Variants in RBAK observed in about 807,000 individuals in gnomAD.
RBAK encodes RB-associated KRAB zinc finger protein.
In RBAK, 39 loss-of-function variants were observed where a neutral mutation model predicts 65.8. The ratio of observed to expected loss-of-function variants is 0.59; its 90% CI spans 0.46 to 0.77. RBAK has a LOEUF of 0.77. Among genes scored for constraint, RBAK ranks in the 30% least tolerant of loss-of-function variants. RBAK has a pLI of 0.00. For synonymous variants in RBAK, 343 were observed against 289.7 expected (o/e 1.18, Z -1.87); for missense variants, 884 against 855.1 (o/e 1.03, Z -0.42).
chr7:5,066,425 T>C lies in RBAK; in HGVS notation c.*824T>C, dbSNP rs1296024107. 6.7e-6 allele frequency: 1 copy of C among 149,058 alleles called. No individual in the cohort carries two copies. Among genetic ancestry groups the C allele is most frequent in the African/African-American group, 2.5e-5 (1 of 39,760 alleles). The allele number at this position is 149,058 out of a possible 1,614,324, so 9.2% of individuals were successfully genotyped here. A position where few individuals can be genotyped will look rare whatever the true frequency, so the allele number is the denominator to read the frequency against. ...ATTTTGATAAACTATACATACATAA[T>C]TTGGAATTGTTTAAGTCTATTTCAG... On this transcript the variant is annotated 3_prime_UTR_variant, in exon 5 of 5. Transcript: ENST00000396912.
Position 5,049,203 on chromosome 7 carries a change from T to C in RBAK, c.15+1112T>C, listed in dbSNP as rs147267814. 8.6e-3 allele frequency among the ~76,000 whole-genome samples: 1,303 copies of C among 152,356 alleles called. 9 individuals are homozygous for C. The highest frequency in any genetic ancestry group is 0.013 in the Non-Finnish European group (907 of 68,030). On this transcript the variant is annotated intron_variant, in intron 2 of 4. Coordinates refer to ENST00000396912, the MANE Select transcript of RBAK (RefSeq NM_021163.4). Reference sequence around the variant, plus strand: ...ACAACCATTAAGTTACCATAACTTATGGCTTATTCTTGGTGCTTATGTAAG... The same window carrying C: ...ACAACCATTAAGTTACCATAACTTACGGCTTATTCTTGGTGCTTATGTAAG...
Position 5,064,412 on chromosome 7 carries a change from G to T in RBAK, c.956G>T (p.Cys319Phe). Residue 319 changes from cysteine (C) to phenylalanine (F), a missense_variant, in exon 5 of 5, where the codon TGT (cysteine) becomes TTT (phenylalanine). Cys to Phe is a radical substitution (Grantham distance 205). Coordinates refer to ENST00000396912, the MANE Select transcript of RBAK (RefSeq NM_021163.4). This position sits in a 1 kb window ranked among gnomAD's most constrained non-coding sequence, Gnocchi z 6.3. ...RSHLEEKPYK[C>F]NECGKTFCQK... Reference sequence around the variant, plus strand: ...CACTTAGAGGAGAAGCCCTATAAATGTAATGAATGTGGGAAAACCTTTTGT... The same window carrying T: ...CACTTAGAGGAGAAGCCCTATAAATTTAATGAATGTGGGAAAACCTTTTGT... 1 of 1,614,160 alleles carries T rather than the reference G, an allele frequency of 6.2e-7. No homozygotes were observed. The highest frequency in any genetic ancestry group is 8.5e-7 in the Non-Finnish European group (1 of 1,179,994).
chr7:5,058,405 C>CT (rs1235715084), intron 4 of RBAK, among the ~76,000 whole-genome samples: 1 of 152,194 alleles, frequency 6.6e-6, no homozygotes, highest in Non-Finnish European at 1.5e-5. Flanking sequence ...ATTCAGAAGT[C>CT]TGACATAAAA....
chr7:5,057,824 C>A, intron 4 of RBAK, 45 bp downstream of exon 4: 1 of 1,605,942 alleles, frequency 6.2e-7, no homozygotes, highest in South Asian at 1.1e-5. Flanking sequence ...TCATCCCAGA[C>A]CTTTGGGAGA....
rs1454595325 is a variant in RBAK at position 5,065,373 on chromosome 7, T to C, written c.1917T>C (p.Thr639=). The C allele has an allele frequency of 6.2e-7, 1 of 1,613,516 alleles. No individual in the cohort carries two copies. The highest frequency in any genetic ancestry group is 1.7e-5 in the Admixed American group (1 of 59,918). Residue 639 remains threonine (T), a synonymous_variant, in exon 5 of 5, where the codon ACT becomes ACC. Transcript: ENST00000396912. This position sits in a 1 kb window ranked among gnomAD's most constrained non-coding sequence, Gnocchi z 5.3. ...TCTTCTCTCGGATGTCAAACCTCAC[T>C]GTCCACTACAGAAGCCATTCAGGAG... ...GKVFSRMSNL[T]VHYRSHSGEK...
At chr7:5,055,046 T>C (rs1337781126) in intron 2 of RBAK, among the ~76,000 whole-genome samples, 2 of 152,120 alleles carry the variant, frequency 1.3e-5, no homozygotes, top group Admixed American at 6.5e-5. Flanking sequence ...CCTCCCAAAG[T>C]GTTGAGATTA....
Position 5,046,166 on chromosome 7 carries a change from C to T in RBAK, c.-275C>T. Reference sequence around the variant, plus strand: ...CGGGCCTGGCCCGTGTGTGTCCTGGCGGCCTGGCCCAGGCTGCCGCTGTAC... The same window carrying T: ...CGGGCCTGGCCCGTGTGTGTCCTGGTGGCCTGGCCCAGGCTGCCGCTGTAC... On this transcript the variant is annotated 5_prime_UTR_variant, in exon 1 of 5. Transcript: ENST00000396912. 2.3e-6 allele frequency: 1 copy of T among 427,348 alleles called. No individual in the cohort carries two copies. Among genetic ancestry groups the T allele is most frequent in the Non-Finnish European group, 4.6e-6 (1 of 215,410 alleles). The allele number at this position is 427,348 out of a possible 1,614,324, so 26.5% of individuals were successfully genotyped here.
intron 2 of RBAK, among the ~76,000 whole-genome samples, chr7:5,050,411 C>T (rs1036951117): frequency 6.6e-6 from 1 of 152,108 alleles, no homozygotes; most frequent in Admixed American, 6.6e-5. Flanking sequence ...CACAGCTGTA[C>T]CGTACGTGGC....
Position 5,060,656 on chromosome 7 carries a change from G to A in RBAK, c.238+2877G>A, listed in dbSNP as rs114913174. 4.5e-3 allele frequency among the ~76,000 whole-genome samples: 680 copies of A among 152,336 alleles called. 4 individuals are homozygous for A. Among genetic ancestry groups the A allele is most frequent in the African/African-American group, 0.015 (632 of 41,576 alleles). On this transcript the variant is annotated intron_variant, in intron 4 of 4. Transcript: ENST00000396912. ...AGTCAAATTGAATGAGGAAGATCAC[G>A]AGTACAGACTTGTGGCTGAGAATAA...
rs550368863 is a variant in RBAK, at chr7:5,068,448, G to C, written c.*2847G>C. ...ATCCACTCACTTTAGAGGATATCCA[G>C]ACGGCCAATAAGCATGAAAAGATGT... On this transcript the variant is annotated 3_prime_UTR_variant, in exon 5 of 5. Coordinates refer to ENST00000396912, the MANE Select transcript of RBAK (RefSeq NM_021163.4). 40 of 152,338 alleles carry C rather than the reference G, an allele frequency of 2.6e-4. No individual in the cohort carries two copies. Among genetic ancestry groups the C allele is most frequent in the African/African-American group, 8.9e-4 (37 of 41,568 alleles). 9.4% of individuals were successfully genotyped at this position (152,338 alleles called of 1,614,324 possible).
intron 2 of RBAK, among the ~76,000 whole-genome samples, chr7:5,053,693 G>T (rs1788164128): frequency 6.6e-6 from 1 of 151,964 alleles, no homozygotes; most frequent in South Asian, 2.1e-4. Context: ...AACTTCTGTT[G>T]CTGTCTTTAT....
intron 4 of RBAK, among the ~76,000 whole-genome samples, chr7:5,062,891 A>G (rs570946533): frequency 1.3e-5 from 2 of 152,306 alleles, no homozygotes; most frequent in African/African-American, 2.4e-5. Context: ...GTCAGAGTTT[A>G]AGGTTATCTC....
rs199929265 is a variant in RBAK at position 5,064,620 on chromosome 7, C to G, written c.1164C>G (p.Leu388=). The G allele has an allele frequency of 1.9e-4, 308 of 1,613,902 alleles. No homozygotes were observed. Among genetic ancestry groups the G allele is most frequent in the Non-Finnish European group, 2.5e-4 (291 of 1,179,844 alleles). The part of the protein sequence containing the change: ...CGKSFSRKSA[L]SDHQRTHTGE... Reference sequence around the variant, plus strand: ...AATCCTTCTCCCGCAAGTCTGCTCTCAGTGACCATCAGAGAACTCACACGG... The same window carrying G: ...AATCCTTCTCCCGCAAGTCTGCTCTGAGTGACCATCAGAGAACTCACACGG... Residue 388 remains leucine (L), a synonymous_variant, in exon 5 of 5, where the codon CTC becomes CTG. Transcript: ENST00000396912. The surrounding 1 kb of genome is among the most constrained non-coding windows in gnomAD (Gnocchi z 6.3).
At chr7:5,056,578 AT>A (rs956833153) in intron 2 of RBAK, among the ~76,000 whole-genome samples, 2 of 152,220 alleles carry the variant, frequency 1.3e-5, no homozygotes, top group African/African-American at 4.8e-5. Flanking sequence ...TAAAATTAAA[AT>A]AATTTGATCC....
chr7:5,054,435 A>G (rs571626475), intron 2 of RBAK, among the ~76,000 whole-genome samples: 154 of 150,186 alleles, frequency 1.0e-3, no homozygotes, highest in African/African-American at 3.6e-3. Context: ...ATTGCTTCAT[A>G]TATGTTCTCC....
rs1207841206 is a variant in RBAK at position 5,065,782 on chromosome 7, G to T, written c.*181G>T. 5 of 437,462 alleles carry T rather than the reference G, an allele frequency of 1.1e-5. No individual in the cohort carries two copies. The highest frequency in any genetic ancestry group is 2.0e-5 in the Non-Finnish European group (5 of 252,046). The allele number at this position is 437,462 out of a possible 1,614,324, so 27.1% of individuals were successfully genotyped here. On this transcript the variant is annotated 3_prime_UTR_variant, in exon 5 of 5. Transcript: ENST00000396912. This position sits in a 1 kb window ranked among gnomAD's most constrained non-coding sequence, Gnocchi z 5.3. ...CCCGAAGAATGTAACAAGAAGCAAAGCCTTCAGCAAGATCATACGACTCAT... is the reference window on the plus strand; with the variant it reads ...CCCGAAGAATGTAACAAGAAGCAAATCCTTCAGCAAGATCATACGACTCAT...
chr7:5,063,094 T>C lies in RBAK; in HGVS notation c.239-601T>C, dbSNP rs560021505. Among the ~76,000 whole-genome samples, 6 of 152,300 alleles carry C rather than the reference T, an allele frequency of 3.9e-5. No individual in the cohort carries two copies. The South Asian group carries it at 1.2e-3, about 32-fold the overall frequency. ...GCATAGGAAATCACAAGGGTATTGA[T>C]TGGGGAAGTGATAAGTGTCCGTGAA... On this transcript the variant is annotated intron_variant, in intron 4 of 4. Transcript: ENST00000396912.
chr7:5,056,255 G>A (rs1788229833), intron 2 of RBAK, among the ~76,000 whole-genome samples: 1 of 151,792 alleles, frequency 6.6e-6, no homozygotes, highest in South Asian at 2.1e-4. Flanking sequence ...CTACAGGCGT[G>A]TGCCATGATG....
At chr7:5,061,674 G>C (rs563016381) in intron 4 of RBAK, among the ~76,000 whole-genome samples, 1 of 151,472 alleles carries the variant, frequency 6.6e-6, no homozygotes, top group East Asian at 2.0e-4. Context: ...GAGGTGGGTG[G>C]ATCACCTGAG....
Sources: allele counts gnomAD v4.1 joint callset (sites outside exome capture counted in the v4.1 genomes callset), GRCh38; gene constraint gnomAD v4.1.1; non-coding constraint Gnocchi (gnomAD v3.1); transcripts MANE v1.5; gene names NCBI Gene and HGNC (gene_info 2026-07-23, HGNC 2026-07-21).